Variants in RASSF2 observed in about 807,000 individuals in gnomAD.
The protein encoded by RASSF2 is Ras association domain family member 2.
In RASSF2, 34 loss-of-function variants were observed where a neutral mutation model predicts 46.3. The observed-to-expected ratio is 0.73, with a 90% CI of 0.56 to 0.98. RASSF2 has a LOEUF of 0.98. Among genes scored for constraint, RASSF2 ranks in the 50% least tolerant of loss-of-function variants. The probability of loss-of-function intolerance (pLI) is 0.00; values close to 1 mark genes in which losing one functional copy is unlikely to be tolerated. For synonymous variants in RASSF2, 158 were observed against 162.5 expected (o/e 0.97, Z 0.21); for missense variants, 364 against 431.2 (o/e 0.84, Z 1.38).
At chr20:4,817,806 A>G (rs2423043) in intron 2 of RASSF2, among the ~76,000 whole-genome samples, 133,565 of 152,148 alleles carry the variant, frequency 0.88, 58,849 homozygotes, top group African/African-American at 0.94. Flanking sequence ...CATGTAGTCC[A>G]CAGGAAAGGT....
rs946435796 is a variant in RASSF2, at chr20:4,790,866, C to T, written c.377-255G>A. Among the ~76,000 whole-genome samples, 1 of 152,192 alleles carries T rather than the reference C, an allele frequency of 6.6e-6. No individual in the cohort carries two copies. Among genetic ancestry groups the T allele is most frequent in the Non-Finnish European group, 1.5e-5 (1 of 68,036 alleles). On this transcript the variant is annotated intron_variant, in intron 6 of 11. Coordinates refer to ENST00000379400, the MANE Select transcript of RASSF2 (RefSeq NM_014737.3). The surrounding 1 kb of genome is among the most constrained non-coding windows in gnomAD (Gnocchi z 4.3). ...CTCCATGATTGCCATATATCACTAA[C>T]CTCTCTGTGCCTCGGTGCTTTTATA...
Position 4,790,562 on chromosome 20 carries a change from G to A in RASSF2, c.426C>T (p.Arg142=). 2 of 1,538,464 alleles carry A rather than the reference G, an allele frequency of 1.3e-6. No homozygotes were observed. The highest frequency in any genetic ancestry group is 1.7e-6 in the Non-Finnish European group (2 of 1,150,936). Residue 142 remains arginine, a synonymous_variant, in exon 7 of 12, where the codon CGC becomes CGT. Coordinates refer to ENST00000379400, the MANE Select transcript of RASSF2 (RefSeq NM_014737.3). This position sits in a 1 kb window ranked among gnomAD's most constrained non-coding sequence, Gnocchi z 4.3. ...GACGCACCCCAACATCACTGCGTGT[G>A]CGCATCAGCTGTGGGGTGTCCTCCT... ...PLQEDTPQLM[R]TRSDVGVRRR...
Position 4,784,249 on chromosome 20 carries a change from C to T in RASSF2, c.*24G>A, listed in dbSNP as rs747323191. ...ATGGGCAATGGCGGTTCCTGGGGTG[C>T]CCAGATCCCCTCGTTCTCATGGCTC... On this transcript the variant is annotated 3_prime_UTR_variant, in exon 12 of 12. Coordinates refer to ENST00000379400, the MANE Select transcript of RASSF2 (RefSeq NM_014737.3). 1 of 1,605,744 alleles carries T rather than the reference C, an allele frequency of 6.2e-7. No homozygotes were observed. The highest frequency in any genetic ancestry group is 1.3e-5 in the African/African-American group (1 of 74,668).
At chr20:4,799,378 C>T (rs890561171) in intron 3 of RASSF2, among the ~76,000 whole-genome samples, 3 of 152,138 alleles carry the variant, frequency 2.0e-5, no homozygotes, top group Non-Finnish European at 4.4e-5. Context: ...ATGTTTTGCA[C>T]TCCAGGTGGG....
Position 4,820,119 on chromosome 20 carries a change from G to A in RASSF2, c.-33+2210C>T, listed in dbSNP as rs553541327. Among the ~76,000 whole-genome samples, 15 of 152,242 alleles carry A rather than the reference G, an allele frequency of 9.9e-5. No homozygotes were observed. In the South Asian group the frequency reaches 2.9e-3, roughly 29 times the overall value. On this transcript the variant is annotated intron_variant, in intron 2 of 11. Coordinates refer to ENST00000379400, the MANE Select transcript of RASSF2 (RefSeq NM_014737.3). ...CCATTCACCAACCCCCGCCTCACAC[G>A]GCCATGTGGTCCACAGTAACCAACA...
Position 4,795,995 on chromosome 20 carries a change from C to G in RASSF2, c.136-29G>C. On this transcript the variant is annotated intron_variant, in intron 4 of 11. Transcript: ENST00000379400. This position sits in a 1 kb window ranked among gnomAD's most constrained non-coding sequence, Gnocchi z 4.0. ...CCCACAAAGCAATCAGAGTAGTGAG[C>G]CTAGAAAAGCCCCCACAGAAGCCAA... The G allele has an allele frequency of 6.8e-7, 1 of 1,468,022 alleles. No homozygotes were observed. The highest frequency in any genetic ancestry group is 1.8e-4 in the Middle Eastern group (1 of 5,444). 90.9% of individuals were successfully genotyped at this position (1,468,022 alleles called of 1,614,324 possible). A position where few individuals can be genotyped will look rare whatever the true frequency, so the allele number is the denominator to read the frequency against.
Position 4,781,626 on chromosome 20 carries a change from T to A in RASSF2, c.*2647A>T, listed in dbSNP as rs1443904538. The stretch of plus-strand genomic sequence containing the variant: ...TGTGACCTTGTGCTTAATTCCACCA[T>A]CCCAGCCAGATAGGCTCAGGTTTTT... On this transcript the variant is annotated 3_prime_UTR_variant, in exon 12 of 12. Coordinates refer to ENST00000379400, the MANE Select transcript of RASSF2 (RefSeq NM_014737.3). The A allele has an allele frequency of 6.6e-6, 1 of 152,180 alleles. No homozygotes were observed. Among genetic ancestry groups the A allele is most frequent in the Non-Finnish European group, 1.5e-5 (1 of 68,044 alleles). 9.4% of individuals were successfully genotyped at this position (152,180 alleles called of 1,614,324 possible). A position where few individuals can be genotyped will look rare whatever the true frequency, so the allele number is the denominator to read the frequency against.
At chr20:4,785,350 A>AAACAAC (rs368893486) in intron 11 of RASSF2, among the ~76,000 whole-genome samples, 2 of 152,008 alleles carry the variant, frequency 1.3e-5, no homozygotes, top group African/African-American at 2.4e-5. Flanking sequence ...AAACAAAACA[A>AAACAAC]AACAACAACA....
chr20:4,808,846 T>A (rs1927553107), intron 2 of RASSF2, among the ~76,000 whole-genome samples: 1 of 152,232 alleles, frequency 6.6e-6, no homozygotes, highest in South Asian at 2.1e-4. Flanking sequence ...CTGAACTTCC[T>A]CTATGAACAT....
intron 3 of RASSF2, among the ~76,000 whole-genome samples, chr20:4,799,998 G>T (rs1258471281): frequency 1.3e-5 from 2 of 152,126 alleles, no homozygotes; most frequent in Non-Finnish European, 2.9e-5. Context: ...TGTAATCCCA[G>T]CTACCTGGGA....
intron 2 of RASSF2, among the ~76,000 whole-genome samples, chr20:4,802,571 G>T (rs995165871): frequency 2.6e-5 from 4 of 152,116 alleles, no homozygotes; most frequent in African/African-American, 9.7e-5. Flanking sequence ...CACCCAAAAA[G>T]AAAAATACCA....
chr20:4,814,314 T>C (rs1371076916), intron 2 of RASSF2, among the ~76,000 whole-genome samples: 1 of 152,186 alleles, frequency 6.6e-6, no homozygotes, highest in African/African-American at 2.4e-5. Context: ...GGTCCCCTGT[T>C]TCCTACAAGC....
chr20:4,799,608 G>A (rs551458717), intron 3 of RASSF2, among the ~76,000 whole-genome samples: 4 of 152,332 alleles, frequency 2.6e-5, no homozygotes, highest in African/African-American at 9.6e-5. Flanking sequence ...TGTGGAAAAT[G>A]TGATTCGAAA....
chr20:4,819,612 A>G (rs1004647409), intron 2 of RASSF2, among the ~76,000 whole-genome samples: 1 of 152,180 alleles, frequency 6.6e-6, no homozygotes, highest in Non-Finnish European at 1.5e-5. Context: ...GACAGCATCT[A>G]TTACATTATT....
Position 4,790,590 on chromosome 20 carries a change from A to G in RASSF2, c.398T>C (p.Leu133Pro). ...CATCAGCTGTGGGGTGTCCTCCTGC[A>G]GGGGCTTCAGGCCCCTGGAGTCTGA... The part of the protein sequence containing the change: ...SSTDSRGLKP[L>P]QEDTPQLMRT... Residue 133 changes from leucine (L) to proline (P), a missense_variant, in exon 7 of 12, where the codon CTG becomes CCG. Leu to Pro is a moderately conservative substitution (Grantham distance 98). Coordinates refer to ENST00000379400, the MANE Select transcript of RASSF2 (RefSeq NM_014737.3). This position sits in a 1 kb window ranked among gnomAD's most constrained non-coding sequence, Gnocchi z 4.3. 1 of 1,528,226 alleles carries G rather than the reference A, an allele frequency of 6.5e-7. No individual in the cohort carries two copies. The highest frequency in any genetic ancestry group is 8.7e-7 in the Non-Finnish European group (1 of 1,148,298). The allele number at this position is 1,528,226 out of a possible 1,614,324, so 94.7% of individuals were successfully genotyped here.
intron 8 of RASSF2, among the ~76,000 whole-genome samples, chr20:4,788,646 G>A (rs573875579): frequency 7.2e-5 from 11 of 152,208 alleles, no homozygotes; most frequent in South Asian, 2.1e-4. Context: ...ACTCAATGCC[G>A]TAAGCACTTG....
chr20:4,790,052 C>A lies in RASSF2; in HGVS notation c.538-355G>T, dbSNP rs1187515143. 6.6e-6 allele frequency among the ~76,000 whole-genome samples: 1 copy of A among 152,146 alleles called. No individual in the cohort carries two copies. The highest frequency in any genetic ancestry group is 1.5e-5 in the Non-Finnish European group (1 of 68,024). ...GTGCACTGACACCCCAGGTCTGAGA[C>A]CTGCAGCTCTGCTTCAGCTCTGGGA... On this transcript the variant is annotated intron_variant, in intron 7 of 11. Coordinates refer to ENST00000379400, the MANE Select transcript of RASSF2 (RefSeq NM_014737.3). The surrounding 1 kb of genome is among the most constrained non-coding windows in gnomAD (Gnocchi z 4.3).
intron 3 of RASSF2, among the ~76,000 whole-genome samples, chr20:4,798,749 C>T (rs2122539097): frequency 6.6e-6 from 1 of 151,070 alleles, no homozygotes; most frequent in South Asian, 2.1e-4. Flanking sequence ...TCACCCAAAC[C>T]TCAGAGGCAG....
chr20:4,784,787 T>C (rs574569433), intron 11 of RASSF2, among the ~76,000 whole-genome samples: 2 of 152,204 alleles, frequency 1.3e-5, no homozygotes, highest in East Asian at 3.9e-4. Flanking sequence ...CCTACAAAAA[T>C]GGCAACTTCG....
Sources: allele counts gnomAD v4.1 joint callset (sites outside exome capture counted in the v4.1 genomes callset), GRCh38; gene constraint gnomAD v4.1.1; non-coding constraint Gnocchi (gnomAD v3.1); transcripts MANE v1.5; gene names NCBI Gene and HGNC (gene_info 2026-07-23, HGNC 2026-07-21).